AURKA: variants seen among roughly 807,000 people sequenced by gnomAD.
AURKA encodes aurora kinase A.
A neutral mutation model predicts 40.9 loss-of-function variants in AURKA; 12 were observed. The observed-to-expected ratio is 0.29, with a 90% CI of 0.19 to 0.48. The LOEUF (loss-of-function observed/expected upper bound fraction) is 0.48, where lower values mean the gene tolerates loss of function less well. AURKA is among the 20% of genes least tolerant of loss of function. The pLI is 0.99. For synonymous variants in AURKA, 170 were observed against 164.3 expected, an observed-to-expected ratio of 1.03 and a Z score of -0.26; for missense variants, 322 against 462.1, an observed-to-expected ratio of 0.70 and a Z score of 2.78.
chr20:56,372,026 G>A (rs542145842), intron 7 of AURKA, among the ~76,000 whole-genome samples: 25 of 152,274 alleles, frequency 1.6e-4, no homozygotes, highest in South Asian at 8.3e-4. Context: ...TACCAATTCC[G>A]CATTTTTATC....
chr20:56,382,123 C>G (rs1037026482), intron 5 of AURKA, among the ~76,000 whole-genome samples: 6 of 150,790 alleles, frequency 4.0e-5, no homozygotes, highest in African/African-American at 9.8e-5. Flanking sequence ...GAGATTGCGC[C>G]ACTGCACTCC....
chr20:56,370,976 A>G (rs1555849655), intron 7 of AURKA, among the ~76,000 whole-genome samples: 1 of 152,216 alleles, frequency 6.6e-6, no homozygotes, highest in Non-Finnish European at 1.5e-5. Flanking sequence ...TACGATTTGG[A>G]TTCTACATCT....
At chr20:56,379,970 GAAAAAAA>G (rs1199131417) in intron 6 of AURKA, among the ~76,000 whole-genome samples, 1 of 68,922 alleles carries the variant, frequency 1.5e-5, no homozygotes, top group East Asian at 4.2e-4. Context: ...CTCAAAAAAA[GAAAAAAA>G]AAAAAAGGAA....
chr20:56,389,808 C>G (rs919157630), intron 1 of AURKA, among the ~76,000 whole-genome samples: 2 of 152,196 alleles, frequency 1.3e-5, no homozygotes, highest in African/African-American at 4.8e-5. Context: ...TAACCCTTTA[C>G]GAGGTTCTCT....
chr20:56,387,641 C>T (rs1425711624), intron 2 of AURKA, among the ~76,000 whole-genome samples: 1 of 152,180 alleles, frequency 6.6e-6, no homozygotes, highest in African/African-American at 2.4e-5. Context: ...CCCAGCTCAA[C>T]GGTATGAGTG....
intron 6 of AURKA, among the ~76,000 whole-genome samples, chr20:56,380,506 A>G (rs1407450130): frequency 6.6e-6 from 1 of 152,248 alleles, no homozygotes. Context: ...TGATTAAATA[A>G]ATAAGGGAGA....
At chr20:56,378,833 G>A (rs1985307742) in intron 6 of AURKA, among the ~76,000 whole-genome samples, 1 of 152,118 alleles carries the variant, frequency 6.6e-6, no homozygotes, top group Non-Finnish European at 1.5e-5. Context: ...TTCTGGAAAA[G>A]GCAATAGAGA....
intron 2 of AURKA, among the ~76,000 whole-genome samples, chr20:56,387,365 G>A (rs546034837): frequency 1.3e-5 from 2 of 152,288 alleles, no homozygotes; most frequent in South Asian, 4.1e-4. Flanking sequence ...TCTTGGCCAG[G>A]CCGGTCTTGA....
chr20:56,370,887 C>T (rs1333303941), intron 7 of AURKA, among the ~76,000 whole-genome samples: 1 of 152,180 alleles, frequency 6.6e-6, no homozygotes, highest in Non-Finnish European at 1.5e-5. Flanking sequence ...AACTCCAGAA[C>T]CTCCCTGAAT....
chr20:56,375,520 G>C lies in AURKA; in HGVS notation c.706-1964C>G, dbSNP rs73913919. ...TTTAGCTCTGCCTAAAGTTTGAGAA[G>C]AGTTTGCTTTCTACAGCAATTTCTA... On this transcript the variant is annotated intron_variant, in intron 6 of 8. Coordinates refer to ENST00000395915, the MANE Select transcript of AURKA (RefSeq NM_198437.3). 8.5e-4 allele frequency among the ~76,000 whole-genome samples: 129 copies of C among 152,096 alleles called. 2 individuals carry two copies. The highest frequency in any genetic ancestry group is 3.1e-3 in the African/African-American group (128 of 41,398).
chr20:56,377,390 A>G (rs1396017364), intron 6 of AURKA, among the ~76,000 whole-genome samples: 1 of 152,246 alleles, frequency 6.6e-6, no homozygotes, highest in Non-Finnish European at 1.5e-5. Context: ...ACCTGCATCC[A>G]AAATATACAA....
chr20:56,381,460 T>C lies in AURKA; in HGVS notation c.678A>G (p.Ser226=). The part of the protein sequence containing the change: ...GTVYRELQKL[S]KFDEQRTATY... ...TAGCAGTTCTCTGCTCATCAAACTT[T>C]GAAAGTTTCTGAAGTTCTCTATAAA... The change falls in exon 6 of 9, where the codon TCA becomes TCG. Residue 226 remains serine (S), a synonymous_variant. Coordinates refer to ENST00000395915, the MANE Select transcript of AURKA (RefSeq NM_198437.3). The C allele has an allele frequency of 6.2e-7, 1 of 1,613,510 alleles. No individual in the cohort carries two copies. Among genetic ancestry groups the C allele is most frequent in the Non-Finnish European group, 8.5e-7 (1 of 1,179,946 alleles).
At chr20:56,370,688 G>A in intron 7 of AURKA, 29 bp from the exon 8 acceptor site, 1 of 1,613,244 alleles carries the variant, frequency 6.2e-7, no homozygotes, top group Non-Finnish European at 8.5e-7. Context: ...TCAGGTTGAT[G>A]TGCTTCTCGT....
intron 5 of AURKA, 59 bp downstream of exon 5, chr20:56,382,926 G>A: frequency 6.3e-7 from 1 of 1,585,190 alleles, no homozygotes; most frequent in Admixed American, 1.7e-5. Flanking sequence ...TGACATTACA[G>A]GAGGGGGAGG....
At position 56,373,139 on chromosome 20, in the gene AURKA, C is replaced by T. The variant is rs1984493316; in HGVS notation, c.854+269G>A. Among the ~76,000 whole-genome samples, 1 of 152,220 alleles carries T rather than the reference C, an allele frequency of 6.6e-6. No individual in the cohort carries two copies. Among genetic ancestry groups the T allele is most frequent in the Non-Finnish European group, 1.5e-5 (1 of 68,046 alleles). On this transcript the variant is annotated intron_variant, in intron 7 of 8. Coordinates refer to ENST00000395915, the MANE Select transcript of AURKA (RefSeq NM_198437.3). The surrounding 1 kb of genome is among the most constrained non-coding windows in gnomAD (Gnocchi z 5.0). ...GTCATATACGTGTCCTATCTGTTGACTCATTCATCCCTTCATTAGCCTCTA... is the reference window on the plus strand; with the variant it reads ...GTCATATACGTGTCCTATCTGTTGATTCATTCATCCCTTCATTAGCCTCTA...
intron 3 of AURKA, among the ~76,000 whole-genome samples, chr20:56,385,154 A>T (rs763148765): frequency 1.3e-5 from 2 of 152,124 alleles, no homozygotes; most frequent in Non-Finnish European, 2.9e-5. Flanking sequence ...ATTTGTGTGC[A>T]CCTCTCCATC....
chr20:56,389,657 C>T (rs1986805949), intron 1 of AURKA, among the ~76,000 whole-genome samples: 1 of 152,172 alleles, frequency 6.6e-6, no homozygotes, highest in Non-Finnish European at 1.5e-5. Flanking sequence ...ATCTGAGCGG[C>T]ATCTCCATTC....
At position 56,381,432 on chromosome 20, in the gene AURKA, C is replaced by G. The variant is rs780094945; in HGVS notation, c.705+1G>C. 2 of 1,612,518 alleles carry G rather than the reference C, an allele frequency of 1.2e-6. No homozygotes were observed. The highest frequency in any genetic ancestry group is 2.2e-5 in the South Asian group (2 of 90,994). ...AGCCTGGACAATAAATGAACACTTA[C>G]AGTAGCAGTTCTCTGCTCATCAAAC... On this transcript the variant is annotated splice_donor_variant, in intron 6 of 8. Coordinates refer to ENST00000395915, the MANE Select transcript of AURKA (RefSeq NM_198437.3). LOFTEE classifies it high-confidence loss of function.
intron 4 of AURKA, 73 bp downstream of exon 4, chr20:56,384,197 C>A: frequency 1.6e-6 from 2 of 1,290,064 alleles, no homozygotes; most frequent in Non-Finnish European, 2.2e-6. Context: ...CCCAGAGTTC[C>A]CACAACGAAA....
Sources: gnomAD v4.1 joint callset for allele counts (sites outside exome capture counted in the v4.1 genomes callset) on GRCh38, gnomAD v4.1.1 for gene constraint, Gnocchi (gnomAD v3.1) non-coding constraint, MANE v1.5 for transcripts, NCBI Gene and HGNC (gene_info 2026-07-23, HGNC 2026-07-21) for gene names.